The following SPAM1 variants were observed in gnomAD, a reference collection of about 807,000 sequenced individuals.
SPAM1 encodes the protein hyaluronidase PH-20.
A neutral mutation model predicts 29.6 loss-of-function variants in SPAM1; 22 were observed. The observed-to-expected ratio is 0.74, with a 90% CI of 0.53 to 1.06. The LOEUF is 1.06. Ranked by LOEUF, SPAM1 falls within the 50% of genes least tolerant of loss-of-function variation. SPAM1 has a pLI of 0.00. For missense variants in SPAM1, 534 were observed against 604.0 expected (o/e 0.88, Z 1.21); for synonymous variants, 194 against 204.6 (o/e 0.95, Z 0.44).
chr7:123,926,376 G>T (rs1484152058), intron 1 of SPAM1, among the ~76,000 whole-genome samples: 1 of 152,106 alleles, frequency 6.6e-6, no homozygotes, highest in Non-Finnish European at 1.5e-5. Flanking sequence ...TATTTGTTCT[G>T]GGCTTATCCT....
At chr7:123,937,406 C>T (rs1420104074) in intron 1 of SPAM1, among the ~76,000 whole-genome samples, 2 of 151,928 alleles carry the variant, frequency 1.3e-5, no homozygotes, top group Non-Finnish European at 2.9e-5. Context: ...TCGAGACCAT[C>T]CTGGATAACA....
At chr7:123,969,492 G>T (rs533920420) in intron 5 of SPAM1, among the ~76,000 whole-genome samples, 1 of 151,972 alleles carries the variant, frequency 6.6e-6, no homozygotes, top group South Asian at 2.1e-4. Context: ...GTACATTCTC[G>T]TTCTTCTGCA....
intron 1 of SPAM1, among the ~76,000 whole-genome samples, chr7:123,941,711 C>T (rs1808434688): frequency 6.6e-6 from 1 of 152,106 alleles, no homozygotes; most frequent in South Asian, 2.1e-4. Flanking sequence ...GACATAGTTC[C>T]CAGGTTGACT....
downstream of SPAM1, among the ~76,000 whole-genome samples, chr7:123,964,225 T>A (rs1046469338): frequency 1.3e-5 from 2 of 151,900 alleles, no homozygotes; most frequent in East Asian, 3.9e-4. Flanking sequence ...ATGCATTACA[T>A]CTGTAATTAG....
chr7:123,960,115 T>C (rs1208097915), downstream of SPAM1: 1 of 1,171,366 alleles, frequency 8.5e-7, no homozygotes, highest in African/African-American at 1.5e-5. Context: ...ATGACGATTT[T>C]CTTTGAACTT....
At chr7:123,963,241 T>C (rs1339588865), downstream of SPAM1, among the ~76,000 whole-genome samples, 1 of 151,886 alleles carries the variant, frequency 6.6e-6, no homozygotes. Flanking sequence ...CTTTATACAA[T>C]TCTGCAGTCA....
chr7:123,962,944 C>A (rs938189990), downstream of SPAM1, among the ~76,000 whole-genome samples: 1 of 151,772 alleles, frequency 6.6e-6, no homozygotes, highest in African/African-American at 2.4e-5. Context: ...TTGTCCATAT[C>A]AGTACATTTT....
intron 1 of SPAM1, among the ~76,000 whole-genome samples, chr7:123,940,583 G>A (rs577818703): frequency 1.1e-3 from 173 of 151,622 alleles, no homozygotes; most frequent in Non-Finnish European, 2.2e-3. Flanking sequence ...TAAATTCCTG[G>A]CTTAGAATGA....
In SPAM1 at chr7:123,941,803, G is replaced by A. The variant is rs1486458191; in HGVS notation, c.-318-8069G>A. ...CCCTTTTCTTTTAAAAGTCTTTCAGGAAAAGCATTTTAGAAGAAAATGGGT... is the reference window on the plus strand; with the variant it reads ...CCCTTTTCTTTTAAAAGTCTTTCAGAAAAAGCATTTTAGAAGAAAATGGGT... On this transcript the variant is annotated intron_variant, in intron 1 of 4. Coordinates refer to ENST00000682466, the MANE Select transcript of SPAM1 (RefSeq NM_153189.3). Among the ~76,000 whole-genome samples the A allele has an allele frequency of 5.9e-5, 9 of 152,210 alleles. No homozygotes were observed. The East Asian group carries it at 7.7e-4, about 13-fold the overall frequency.
chr7:123,967,142 T>C (rs1792435533), intron 5 of SPAM1, among the ~76,000 whole-genome samples: 1 of 151,946 alleles, frequency 6.6e-6, no homozygotes, highest in Non-Finnish European at 1.5e-5. Context: ...AGTAAGATAA[T>C]GGCATCAAGT....
Position 123,953,717 on chromosome 7 carries a change from C to T in SPAM1, c.147C>T (p.Phe49=). Residue 49 remains phenylalanine, a synonymous_variant, in exon 3 of 5, where the codon TTC becomes TTT. Coordinates refer to ENST00000682466, the MANE Select transcript of SPAM1 (RefSeq NM_153189.3). Reference sequence around the variant, plus strand: ...CTCCTGTTATTCCAAATGTGCCTTTCCTCTGGGCCTGGAATGCCCCAAGTG... The same window carrying T: ...CTCCTGTTATTCCAAATGTGCCTTTTCTCTGGGCCTGGAATGCCCCAAGTG... The part of the protein sequence containing the change: ...RAPPVIPNVP[F]LWAWNAPSEF... 6.2e-7 allele frequency: 1 copy of T among 1,613,386 alleles called. No homozygotes were observed. The highest frequency in any genetic ancestry group is 1.3e-5 in the African/African-American group (1 of 75,006).
intron 2 of SPAM1, among the ~76,000 whole-genome samples, chr7:123,952,575 G>C (rs1792132225): frequency 6.6e-6 from 1 of 152,002 alleles, no homozygotes; most frequent in Admixed American, 6.6e-5. Context: ...GTTTAATACA[G>C]CTAAAGTATG....
At chr7:123,954,958 T>A (rs575202356) in intron 3 of SPAM1, 39 bp from the exon 4 acceptor site, 1 of 1,440,686 alleles carries the variant, frequency 6.9e-7, no homozygotes, top group South Asian at 1.1e-5. Context: ...CACTTTCATT[T>A]CATTTTTATC....
intron 2 of SPAM1, among the ~76,000 whole-genome samples, chr7:123,950,730 G>A (rs1808733177): frequency 6.6e-6 from 1 of 152,130 alleles, no homozygotes; most frequent in Non-Finnish European, 1.5e-5. Context: ...AGATTTGAGT[G>A]AAGCTGTCTT....
At chr7:123,958,060 A>G (rs7456066) in intron 4 of SPAM1, among the ~76,000 whole-genome samples, 150,968 of 152,136 alleles carry the variant, frequency 0.99, 74,909 homozygotes, top group East Asian at 1. Context: ...CTTTTGTCAC[A>G]TAAGTTCACA....
intron 4 of SPAM1, among the ~76,000 whole-genome samples, chr7:123,956,971 A>G (rs964996661): frequency 1.3e-5 from 2 of 151,974 alleles, no homozygotes; most frequent in African/African-American, 4.8e-5. Context: ...TAGACTACAA[A>G]GTATGCAGGT....
In SPAM1 at chr7:123,954,177, A is replaced by C. The variant is rs1792187696; in HGVS notation, c.607A>C (p.Thr203Pro). 6.2e-6 allele frequency: 10 copies of C among 1,613,540 alleles called. No individual in the cohort carries two copies. The highest frequency in any genetic ancestry group is 8.5e-6 in the Non-Finnish European group (10 of 1,179,708). ...EKAGKDFLVE[T>P]IKLGKLLRPN... ...GGCAGGGAAGGATTTCCTGGTAGAG[A>C]CTATAAAATTGGGAAAATTACTTCG... Residue 203 changes from threonine to proline, a missense_variant, in exon 3 of 5, where the codon ACT becomes CCT. Coordinates refer to ENST00000682466, the MANE Select transcript of SPAM1 (RefSeq NM_153189.3).
chr7:123,941,019 T>C (rs2117037972), intron 1 of SPAM1, among the ~76,000 whole-genome samples: 1 of 152,372 alleles, frequency 6.6e-6, no homozygotes, highest in East Asian at 1.9e-4. Context: ...ACAAGTTTAC[T>C]GTACAAATTG....
chr7:123,959,338 G>C, intron 4 of SPAM1, 146 bp from the exon 5 acceptor site: 2 of 600,442 alleles, frequency 3.3e-6, no homozygotes, highest in Admixed American at 6.4e-5. Flanking sequence ...AATCTTGTTG[G>C]TTAAGGTAAA....
Sources: gnomAD v4.1 joint callset for allele counts (sites outside exome capture counted in the v4.1 genomes callset) on GRCh38, gnomAD v4.1.1 for gene constraint, MANE v1.5 for transcripts, NCBI Gene and HGNC (gene_info 2026-07-23, HGNC 2026-07-21) for gene names.